Variants in BLCAP observed in about 807,000 individuals in gnomAD.
BLCAP encodes the protein BLCAP apoptosis inducing factor.
A neutral mutation model predicts 5.7 loss-of-function variants in BLCAP; 1 was observed. The observed-to-expected ratio is 0.18, with a 90% CI of 0.06 to 0.83. The LOEUF (loss-of-function observed/expected upper bound fraction) is 0.83. Ranked by LOEUF, BLCAP falls within the 40% of genes least tolerant of loss-of-function variation. The pLI is 0.71. For synonymous variants in BLCAP, 48 were observed against 49.4 expected, an observed-to-expected ratio of 0.97 and a Z score of 0.11; for missense variants, 66 against 107.6, an observed-to-expected ratio of 0.61 and a Z score of 1.71.
At position 37,521,489 on chromosome 20, in the gene BLCAP, C is replaced by G; in HGVS notation, c.-176-2139G>C. Reference sequence around the variant, plus strand: ...AGACTGCGTCGCGATTGCCGCTTCCCGGACCCGTCCTATTCCGATTGCCGC... The same window carrying G: ...AGACTGCGTCGCGATTGCCGCTTCCGGGACCCGTCCTATTCCGATTGCCGC... On this transcript the variant is annotated intron_variant, in intron 1 of 1. Coordinates refer to ENST00000373537, the MANE Select transcript of BLCAP (RefSeq NM_006698.4). The surrounding 1 kb of genome is among the most constrained non-coding windows in gnomAD (Gnocchi z 4.5). 7.5e-7 allele frequency: 1 copy of G among 1,333,722 alleles called. No homozygotes were observed. Among genetic ancestry groups the G allele is most frequent in the South Asian group, 1.2e-5 (1 of 84,464 alleles). The allele number at this position is 1,333,722 out of a possible 1,614,324, so 82.6% of individuals were successfully genotyped here.
At chr20:37,522,635 A>C in intron 1 of BLCAP, 4 of 1,588,604 alleles carry the variant, frequency 2.5e-6, no homozygotes, top group Non-Finnish European at 3.4e-6. Flanking sequence ...GGTGCTCTCC[A>C]CTAAGGGTGG....
At chr20:37,527,249 G>A (rs1008136854) in intron 1 of BLCAP, among the ~76,000 whole-genome samples, 1 of 152,132 alleles carries the variant, frequency 6.6e-6, no homozygotes, top group Non-Finnish European at 1.5e-5. Context: ...TGTAAAGTTG[G>A]AGGGAGTAAG....
chr20:37,521,112 A>G lies in BLCAP; in HGVS notation c.-176-1762T>C. 1 of 602,766 alleles carries G rather than the reference A, an allele frequency of 1.7e-6. No individual in the cohort carries two copies. The highest frequency in any genetic ancestry group is 3.0e-6 in the Non-Finnish European group (1 of 335,956). 37.3% of individuals were successfully genotyped at this position (602,766 alleles called of 1,614,324 possible). On this transcript the variant is annotated intron_variant, in intron 1 of 1. Transcript: ENST00000373537. The surrounding 1 kb of genome is among the most constrained non-coding windows in gnomAD (Gnocchi z 4.5). The stretch of plus-strand genomic sequence containing the variant: ...AGGAGGCGGGGGTCGGTATGGAAAG[A>G]GCAGATGGATTATTTTTTTCCTCTC...
At chr20:37,522,598 G>GGGGGGGGGGGGGGGGCCCC in intron 1 of BLCAP, 1 of 864,432 alleles carries the variant, frequency 1.2e-6, no homozygotes, top group South Asian at 1.5e-5. Context: ...GCGGGGGTGG[G>GGGGGGGGGGGGGGGGCCCC]CACGGCAGCA....
chr20:37,527,153 T>G (rs1378864729), intron 1 of BLCAP: 1 of 152,126 alleles, frequency 6.6e-6, no homozygotes, highest in East Asian at 1.9e-4. Flanking sequence ...AGGCCATTAG[T>G]GCGCCAGGCA....
At chr20:37,520,418 A>G (rs7345673) in intron 1 of BLCAP, 5 of 152,286 alleles carry the variant, frequency 3.3e-5, no homozygotes, top group Admixed American at 2.0e-4. Context: ...AAAGAACCCC[A>G]CTGGCTAAGG....
At chr20:37,519,375 GACAA>G (rs1422792563) in intron 1 of BLCAP, 25 bp from the exon 2 acceptor site, 5 of 80,394 alleles carry the variant, frequency 6.2e-5, no homozygotes, top group Non-Finnish European at 9.0e-5. Flanking sequence ...CAACACAACA[GACAA>G]ACAGACAAAG....
At chr20:37,526,271 T>TCCCCCCCCCCCCCCCCCCCCCCCCCCCCC (rs11477433) in intron 1 of BLCAP, among the ~76,000 whole-genome samples, 7 of 125,180 alleles carry the variant, frequency 5.6e-5, no homozygotes, top group East Asian at 2.5e-4. Flanking sequence ...GCAGTTAACT[T>TCCCCCCCCCCCCCCCCCCCCCCCCCCCCC]CCCCCCCCCA....
intron 1 of BLCAP, chr20:37,522,598 G>GGGGGGGGGGGGGGGGGCCC: frequency 2.3e-6 from 2 of 864,376 alleles, no homozygotes; most frequent in East Asian, 4.6e-5. Context: ...GCGGGGGTGG[G>GGGGGGGGGGGGGGGGGCCC]CACGGCAGCA....
At position 37,521,227 on chromosome 20, in the gene BLCAP, G is replaced by C; in HGVS notation, c.-176-1877C>G. 8.2e-7 allele frequency: 1 copy of C among 1,220,892 alleles called. No individual in the cohort carries two copies. The highest frequency in any genetic ancestry group is 1.2e-6 in the Non-Finnish European group (1 of 829,874). The allele number at this position is 1,220,892 out of a possible 1,614,324, so 75.6% of individuals were successfully genotyped here. A position where few individuals can be genotyped will look rare whatever the true frequency, so the allele number is the denominator to read the frequency against. ...ACTTAGGTGGCGGGCGGGTACTTAAGGCGCGGCCACCGCGGCTGCGGCAGT... is the reference window on the plus strand; with the variant it reads ...ACTTAGGTGGCGGGCGGGTACTTAACGCGCGGCCACCGCGGCTGCGGCAGT... On this transcript the variant is annotated intron_variant, in intron 1 of 1. Transcript: ENST00000373537. The surrounding 1 kb of genome is among the most constrained non-coding windows in gnomAD (Gnocchi z 4.5).
intron 1 of BLCAP, chr20:37,522,598 G>GGGGGGGGGGGGGGGGGGGC: frequency 4.6e-6 from 4 of 864,440 alleles, no homozygotes; most frequent in South Asian, 1.5e-5. Context: ...GCGGGGGTGG[G>GGGGGGGGGGGGGGGGGGGC]CACGGCAGCA....
rs762972061 is a variant in BLCAP, at chr20:37,521,420, T to C, written c.-176-2070A>G. 23 of 1,613,616 alleles carry C rather than the reference T, an allele frequency of 1.4e-5. No individual in the cohort carries two copies. The highest frequency in any genetic ancestry group is 1.7e-6 in the Non-Finnish European group (2 of 1,179,636). Reference sequence around the variant, plus strand: ...CTGCTGCAGGTAAGTCTGACGGGGTTTCGGGTGGGAGAGGGTTCCCAACTC... The same window carrying C: ...CTGCTGCAGGTAAGTCTGACGGGGTCTCGGGTGGGAGAGGGTTCCCAACTC... On this transcript the variant is annotated intron_variant, in intron 1 of 1. Coordinates refer to ENST00000373537, the MANE Select transcript of BLCAP (RefSeq NM_006698.4). This position sits in a 1 kb window ranked among gnomAD's most constrained non-coding sequence, Gnocchi z 4.5.
chr20:37,522,865 C>A, intron 1 of BLCAP: 1 of 1,033,090 alleles, frequency 9.7e-7, no homozygotes, highest in Non-Finnish European at 1.4e-6. Context: ...CCTGTGTTCC[C>A]TCGCCAGAGG....
rs1257687488 is a variant in BLCAP at position 37,521,550 on chromosome 20, C to G, written c.-176-2200G>C. On this transcript the variant is annotated intron_variant, in intron 1 of 1. Coordinates refer to ENST00000373537, the MANE Select transcript of BLCAP (RefSeq NM_006698.4). The surrounding 1 kb of genome is among the most constrained non-coding windows in gnomAD (Gnocchi z 4.5). ...TGCCCAAGTGCCGCTGCCGGCACCG[C>G]GCGCCCCCTGCCCATTCCCTGCGCC... 6 of 783,366 alleles carry G rather than the reference C, an allele frequency of 7.7e-6. No homozygotes were observed. The highest frequency in any genetic ancestry group is 1.1e-5 in the Non-Finnish European group (5 of 472,754). The allele number at this position is 783,366 out of a possible 1,614,324, so 48.5% of individuals were successfully genotyped here.
At position 37,521,555 on chromosome 20, in the gene BLCAP, CCCCTGCCCATT is replaced by C; in HGVS notation, c.-176-2216_-176-2206del. Reference sequence around the variant, plus strand: ...AAGTGCCGCTGCCGGCACCGCGCGCCCCCTGCCCATTCCCTGCGCCGTCCTCCTCGCGCTGA... The same window carrying C: ...AAGTGCCGCTGCCGGCACCGCGCGCCCCCTGCGCCGTCCTCCTCGCGCTGA... On this transcript the variant is annotated intron_variant, in intron 1 of 1. Transcript: ENST00000373537. The surrounding 1 kb of genome is among the most constrained non-coding windows in gnomAD (Gnocchi z 4.5). 1.3e-6 allele frequency: 1 copy of C among 757,748 alleles called. No homozygotes were observed. Among genetic ancestry groups the C allele is most frequent in the Non-Finnish European group, 2.2e-6 (1 of 451,808 alleles). 46.9% of individuals were successfully genotyped at this position (757,748 alleles called of 1,614,324 possible).
intron 1 of BLCAP, among the ~76,000 whole-genome samples, chr20:37,524,922 G>C (rs2071693308): frequency 6.6e-6 from 1 of 152,210 alleles, no homozygotes; most frequent in Admixed American, 6.5e-5. Context: ...GGGCCTTTGA[G>C]ATGCCAGTGA....
chr20:37,524,779 T>C (rs2071691183), intron 1 of BLCAP, among the ~76,000 whole-genome samples: 1 of 152,136 alleles, frequency 6.6e-6, no homozygotes, highest in African/African-American at 2.4e-5. Flanking sequence ...ATCTAAAACT[T>C]CATTCGGTAT....
intron 1 of BLCAP, among the ~76,000 whole-genome samples, chr20:37,525,914 C>G (rs1378229474): frequency 2.0e-5 from 3 of 152,174 alleles, no homozygotes; most frequent in Non-Finnish European, 4.4e-5. Context: ...TTGGGAATAG[C>G]TCTGTGGGAC....
chr20:37,525,986 C>G (rs914314921), intron 1 of BLCAP, among the ~76,000 whole-genome samples: 1 of 152,154 alleles, frequency 6.6e-6, no homozygotes, highest in Non-Finnish European at 1.5e-5. Flanking sequence ...CTTAGCCTAA[C>G]GAACTGAAGT....
Sources: gnomAD v4.1 joint callset for allele counts (sites outside exome capture counted in the v4.1 genomes callset) on GRCh38, gnomAD v4.1.1 for gene constraint, Gnocchi (gnomAD v3.1) non-coding constraint, MANE v1.5 for transcripts, NCBI Gene and HGNC (gene_info 2026-07-23, HGNC 2026-07-21) for gene names.